Variants in KLF12 observed in about 807,000 individuals in gnomAD.
KLF12 encodes the protein KLF transcription factor 12.
Under a neutral mutation model 37.8 loss-of-function variants are expected in KLF12, and 9 were observed. That is an observed-to-expected ratio of 0.24 (90% confidence interval 0.14 to 0.42). The LOEUF is 0.42. Among genes scored for constraint, KLF12 ranks in the 10% least tolerant of loss-of-function variants. The probability of loss-of-function intolerance (pLI) is 1.00; values close to 1 mark genes in which losing one functional copy is unlikely to be tolerated. For synonymous variants in KLF12, 208 were observed against 202.1 expected (o/e 1.03, Z -0.25); for missense variants, 411 against 516.0 (o/e 0.80, Z 1.97).
At chr13:73,916,807 T>C (rs1233710290) in intron 3 of KLF12, among the ~76,000 whole-genome samples, 1 of 152,134 alleles carries the variant, frequency 6.6e-6, no homozygotes, top group African/African-American at 2.4e-5. Flanking sequence ...AACAAAGAAA[T>C]GGGAGATGAG....
intron 4 of KLF12, 106 bp from the exon 5 acceptor site, chr13:73,813,393 G>T: frequency 1.7e-6 from 2 of 1,194,480 alleles, no homozygotes; most frequent in Non-Finnish European, 2.4e-6. Context: ...CATGCAAATG[G>T]AATTCTCTAG....
chr13:74,231,296 G>T, the KLF12 span, among the ~76,000 whole-genome samples: 3 of 152,066 alleles, frequency 2.0e-5, no homozygotes, highest in South Asian at 6.2e-4. Flanking sequence ...ACTAAGAGAA[G>T]AAAGAGGAGG....
chr13:73,848,653 AT>A (rs1265011074), intron 3 of KLF12, among the ~76,000 whole-genome samples: 7 of 150,972 alleles, frequency 4.6e-5, no homozygotes, highest in Non-Finnish European at 7.4e-5. Flanking sequence ...ATTAGCTTTC[AT>A]TAGAAACTTG....
chr13:74,017,498 C>T (rs189468142), intron 1 of KLF12, among the ~76,000 whole-genome samples: 90 of 151,320 alleles, frequency 5.9e-4, no homozygotes, highest in African/African-American at 2.0e-3. Flanking sequence ...AGGATTAACA[C>T]TGCCATAAAA....
intron 3 of KLF12, 113 bp from the exon 4 acceptor site, chr13:73,846,486 T>A: frequency 2.1e-6 from 2 of 952,414 alleles, no homozygotes; most frequent in East Asian, 2.6e-5. Context: ...ATGGGACATT[T>A]ATTCGTTCTC....
chr13:74,259,607 C>G, the KLF12 span: 4 of 152,174 alleles, frequency 2.6e-5, no homozygotes, highest in African/African-American at 9.7e-5. Flanking sequence ...TTTCCAAATG[C>G]CTTTTTTAAA....
At chr13:73,879,289 T>C (rs554327489) in intron 3 of KLF12, among the ~76,000 whole-genome samples, 4 of 152,322 alleles carry the variant, frequency 2.6e-5, no homozygotes, top group Non-Finnish European at 4.4e-5. Context: ...ATCCTACTCA[T>C]TCCAAATGGG....
chr13:73,789,377 G>A (rs145248186), intron 5 of KLF12, among the ~76,000 whole-genome samples: 17 of 152,246 alleles, frequency 1.1e-4, no homozygotes, highest in Middle Eastern at 6.8e-3. Flanking sequence ...GACTTGTTGG[G>A]TGTCACAGTA....
chr13:74,199,092 G>A, the KLF12 span, among the ~76,000 whole-genome samples: 1 of 152,186 alleles, frequency 6.6e-6, no homozygotes, highest in African/African-American at 2.4e-5. Context: ...ATTCTCACAG[G>A]ACAGCCAGAG....
intron 6 of KLF12, among the ~76,000 whole-genome samples, chr13:73,729,338 G>A (rs1181962898): frequency 3.3e-5 from 5 of 152,180 alleles, no homozygotes; most frequent in Non-Finnish European, 5.9e-5. Context: ...ATCTCAAAGT[G>A]AACTGTACTG....
At chr13:73,898,955 A>G (rs1288876513) in intron 3 of KLF12, among the ~76,000 whole-genome samples, 2 of 146,886 alleles carry the variant, frequency 1.4e-5, no homozygotes, top group Non-Finnish European at 3.0e-5. Flanking sequence ...TGTACCCTAC[A>G]AAAGTTATCC....
intron 3 of KLF12, among the ~76,000 whole-genome samples, chr13:73,899,868 G>C (rs1887959801): frequency 6.6e-6 from 1 of 152,078 alleles, no homozygotes; most frequent in South Asian, 2.1e-4. Flanking sequence ...TGGTTCTCCA[G>C]CTTGCAGACA....
chr13:74,095,813 C>T (rs1014517171), intron 1 of KLF12, among the ~76,000 whole-genome samples: 1 of 152,170 alleles, frequency 6.6e-6, no homozygotes, highest in Non-Finnish European at 1.5e-5. Context: ...ATTTTGAATA[C>T]TGAGGAGCTA....
chr13:74,197,081 C>G, the KLF12 span, among the ~76,000 whole-genome samples: 2 of 151,914 alleles, frequency 1.3e-5, no homozygotes, highest in African/African-American at 4.8e-5. Context: ...AGGTATAAGC[C>G]TTAAAGAGAT....
chr13:73,920,880 T>C (rs1889082059), intron 3 of KLF12, among the ~76,000 whole-genome samples: 1 of 152,096 alleles, frequency 6.6e-6, no homozygotes, highest in Non-Finnish European at 1.5e-5. Context: ...ACTACCAGGC[T>C]CTTACCCCTC....
At chr13:73,864,809 C>A (rs571546081) in intron 3 of KLF12, among the ~76,000 whole-genome samples, 1 of 151,666 alleles carries the variant, frequency 6.6e-6, no homozygotes, top group African/African-American at 2.4e-5. Context: ...AATATATATG[C>A]GATAAAAGTG....
chr13:74,116,820 G>A (rs1425387244), intron 1 of KLF12, among the ~76,000 whole-genome samples: 1 of 151,910 alleles, frequency 6.6e-6, no homozygotes, highest in African/African-American at 2.4e-5. Flanking sequence ...ATAAAATAAT[G>A]CTGGCAATAT....
intron 5 of KLF12, among the ~76,000 whole-genome samples, chr13:73,796,688 C>T (rs1881995204): frequency 1.3e-5 from 2 of 152,100 alleles, no homozygotes. Flanking sequence ...CACGCATCTA[C>T]CTTTGAGCTA....
intron 1 of KLF12, among the ~76,000 whole-genome samples, chr13:74,048,537 A>G (rs774284981): frequency 6.6e-6 from 1 of 152,180 alleles, no homozygotes; most frequent in Non-Finnish European, 1.5e-5. Context: ...TTAACACCTA[A>G]TTTCACATTT....
Sources: gnomAD v4.1 joint callset for allele counts (sites outside exome capture counted in the v4.1 genomes callset) on GRCh38, gnomAD v4.1.1 for gene constraint, MANE v1.5 for transcripts, NCBI Gene and HGNC (gene_info 2026-07-23, HGNC 2026-07-21) for gene names.